Variants in HPCAL1 observed in about 807,000 individuals in gnomAD.
The protein encoded by HPCAL1 is hippocalcin like 1.
A neutral mutation model predicts 17.1 loss-of-function variants in HPCAL1; 8 were observed. The observed-to-expected ratio is 0.47, with a 90% CI of 0.27 to 0.84. The LOEUF (loss-of-function observed/expected upper bound fraction) is 0.84. HPCAL1 is among the 40% of genes least tolerant of loss of function. The pLI is 0.13. For synonymous variants in HPCAL1, 112 were observed against 111.4 expected (o/e 1.01, Z -0.03); for missense variants, 165 against 271.1 (o/e 0.61, Z 2.75).
intron 2 of HPCAL1, among the ~76,000 whole-genome samples, chr2:10,409,283 A>C (rs1343737481): frequency 6.6e-6 from 1 of 152,054 alleles, no homozygotes; most frequent in Non-Finnish European, 1.5e-5. Context: ...AGGCCCTGGG[A>C]GCCTGTTCAA....
At position 10,395,670 on chromosome 2, in the gene HPCAL1, C is replaced by T. The variant is rs759024021; in HGVS notation, c.-110-1165C>T. Among the ~76,000 whole-genome samples, 4 of 152,042 alleles carry T rather than the reference C, an allele frequency of 2.6e-5. No individual in the cohort carries two copies. Among genetic ancestry groups the T allele is most frequent in the Middle Eastern group, 3.2e-3 (1 of 316 alleles). ...TGGGAGAAAGTAATTAGGGAGTGTG[C>T]GGTAGATGCGGAAGAGAAACGGGCC... is the stretch of plus-strand genomic sequence containing the variant. On this transcript the variant is annotated intron_variant, in intron 1 of 4. Coordinates refer to ENST00000307845, the MANE Select transcript of HPCAL1 (RefSeq NM_002149.4). The surrounding 1 kb of genome is among the most constrained non-coding windows in gnomAD (Gnocchi z 4.4).
At chr2:10,379,550 G>A (rs1487971054) in intron 1 of HPCAL1, among the ~76,000 whole-genome samples, 2 of 152,130 alleles carry the variant, frequency 1.3e-5, no homozygotes, top group East Asian at 1.9e-4. Flanking sequence ...CCGATGGCCC[G>A]GCCTCCAAGG....
chr2:10,303,659 CT>C (rs1173502750), intron 1 of HPCAL1: 10 of 326 alleles, frequency 0.031, no homozygotes, highest in African/African-American at 0.17. Context: ...CTGGGCAGCC[CT>C]CAGGGAACAG....
At chr2:10,417,679 G>A (rs1670759503) in intron 2 of HPCAL1, among the ~76,000 whole-genome samples, 1 of 152,160 alleles carries the variant, frequency 6.6e-6, no homozygotes, top group African/African-American at 2.4e-5. Context: ...ATCATTAGAT[G>A]TTTCTGGAAG....
intron 1 of HPCAL1, among the ~76,000 whole-genome samples, chr2:10,335,348 G>A (rs1186876252): frequency 2.0e-5 from 3 of 152,188 alleles, no homozygotes; most frequent in Non-Finnish European, 4.4e-5. Context: ...CCTGTGGAGA[G>A]GCAGGCCTAG....
intron 1 of HPCAL1, among the ~76,000 whole-genome samples, chr2:10,311,163 G>A (rs986873390): frequency 1.3e-5 from 2 of 151,846 alleles, no homozygotes; most frequent in African/African-American, 2.4e-5. Flanking sequence ...TTGTCCCCCC[G>A]CCCCCCAATC....
chr2:10,342,784 G>A lies in HPCAL1; in HGVS notation c.-111+39607G>A, dbSNP rs1197356766. 1.3e-5 allele frequency among the ~76,000 whole-genome samples: 2 copies of A among 152,214 alleles called. No individual in the cohort carries two copies. The highest frequency in any genetic ancestry group is 1.3e-4 in the Admixed American group (2 of 15,282). On this transcript the variant is annotated intron_variant, in intron 1 of 4. Coordinates refer to ENST00000307845, the MANE Select transcript of HPCAL1 (RefSeq NM_002149.4). This position sits in a 1 kb window ranked among gnomAD's most constrained non-coding sequence, Gnocchi z 4.1. ...TCCCGGTTGGGCCAGCTGCCCTCCA[G>A]TAGCTACGCAGGATGCTCTGGCCGG...
intron 1 of HPCAL1, among the ~76,000 whole-genome samples, chr2:10,357,051 T>G (rs1447766694): frequency 2.0e-5 from 3 of 152,126 alleles, no homozygotes; most frequent in Non-Finnish European, 4.4e-5. Context: ...AGGTTGAGGC[T>G]GCAGTGAGCT....
chr2:10,400,996 C>T (rs777324914), intron 2 of HPCAL1, among the ~76,000 whole-genome samples: 3 of 152,240 alleles, frequency 2.0e-5, no homozygotes, highest in Non-Finnish European at 2.9e-5. Flanking sequence ...ACCGGCCTAG[C>T]CTCCCCATCT....
At chr2:10,315,248 G>C (rs555227332) in intron 1 of HPCAL1, among the ~76,000 whole-genome samples, 1 of 150,846 alleles carries the variant, frequency 6.6e-6, no homozygotes, top group African/African-American at 2.4e-5. Flanking sequence ...AGCCGAGATC[G>C]CGCCACTGCA....
chr2:10,342,757 G>A lies in HPCAL1; in HGVS notation c.-111+39580G>A, dbSNP rs564211418. 3.0e-4 allele frequency among the ~76,000 whole-genome samples: 45 copies of A among 152,334 alleles called. No homozygotes were observed. Among genetic ancestry groups the A allele is most frequent in the African/African-American group, 1.1e-3 (45 of 41,566 alleles). On this transcript the variant is annotated intron_variant, in intron 1 of 4. Coordinates refer to ENST00000307845, the MANE Select transcript of HPCAL1 (RefSeq NM_002149.4). The surrounding 1 kb of genome is among the most constrained non-coding windows in gnomAD (Gnocchi z 4.1). ...TCCTGGGCAAAGAGAGGCACAATCT[G>A]TTCCCGGTTGGGCCAGCTGCCCTCC...
intron 1 of HPCAL1, among the ~76,000 whole-genome samples, chr2:10,360,191 C>T (rs1415508553): frequency 2.0e-5 from 3 of 152,118 alleles, no homozygotes; most frequent in Admixed American, 2.0e-4. Context: ...GGTGCACCAC[C>T]AGGGAAGGGA....
At chr2:10,415,172 A>T (rs1670584534) in intron 2 of HPCAL1, among the ~76,000 whole-genome samples, 1 of 152,190 alleles carries the variant, frequency 6.6e-6, no homozygotes, top group Admixed American at 6.5e-5. Context: ...GGTTCTGCAG[A>T]CTTGGAGAGG....
intron 2 of HPCAL1, among the ~76,000 whole-genome samples, chr2:10,411,274 A>C (rs1385264715): frequency 1.3e-5 from 2 of 152,080 alleles, no homozygotes; most frequent in Non-Finnish European, 2.9e-5. Context: ...AGGTTACAGG[A>C]CAATGGGAAG....
chr2:10,411,179 C>T (rs1040295392), intron 2 of HPCAL1, among the ~76,000 whole-genome samples: 6 of 152,166 alleles, frequency 3.9e-5, no homozygotes, highest in Non-Finnish European at 7.4e-5. Flanking sequence ...CTGGCGAGCA[C>T]AAGCAGAGTG....
intron 1 of HPCAL1, among the ~76,000 whole-genome samples, chr2:10,335,855 C>T (rs1464084635): frequency 6.6e-6 from 1 of 152,190 alleles, no homozygotes; most frequent in Non-Finnish European, 1.5e-5. Context: ...TGAATTTGTA[C>T]TTCCCTAAGT....
At chr2:10,396,498 C>G (rs1400413586) in intron 1 of HPCAL1, among the ~76,000 whole-genome samples, 2 of 152,178 alleles carry the variant, frequency 1.3e-5, no homozygotes, top group Non-Finnish European at 2.9e-5. Flanking sequence ...GGATTTGAAC[C>G]TGAGTTTGTG....
rs2148018861 is a variant in HPCAL1, at chr2:10,416,722, G to C, written c.-24-3012G>C. Reference sequence around the variant, plus strand: ...TTCCCTTTTTTTTTTTTTCCATGTAGAAATCTCTATGGCCATTTCCTCTTG... The same window carrying C: ...TTCCCTTTTTTTTTTTTTCCATGTACAAATCTCTATGGCCATTTCCTCTTG... On this transcript the variant is annotated intron_variant, in intron 2 of 4. Transcript: ENST00000307845. Among the ~76,000 whole-genome samples, 2 of 148,384 alleles carry C rather than the reference G, an allele frequency of 1.3e-5. 1 individual carries two copies. The highest frequency in any genetic ancestry group is 4.3e-4 in the South Asian group (2 of 4,704).
At chr2:10,388,869 C>T (rs1668502544) in intron 1 of HPCAL1, among the ~76,000 whole-genome samples, 1 of 152,164 alleles carries the variant, frequency 6.6e-6, no homozygotes. Flanking sequence ...TGCTGAGACC[C>T]TCACTCCGAG....
Sources: allele counts gnomAD v4.1 joint callset (sites outside exome capture counted in the v4.1 genomes callset), GRCh38; gene constraint gnomAD v4.1.1; non-coding constraint Gnocchi (gnomAD v3.1); transcripts MANE v1.5; gene names NCBI Gene and HGNC (gene_info 2026-07-23, HGNC 2026-07-21).